Variants in KCNN2 observed in about 807,000 individuals in gnomAD.
The protein encoded by KCNN2 is potassium calcium-activated channel subfamily N member 2, also known as small conductance calcium-activated potassium channel protein 2.
Under a neutral mutation model 55.5 loss-of-function variants are expected in KCNN2, and 24 were observed. The ratio of observed to expected loss-of-function variants is 0.43; its 90% CI spans 0.31 to 0.61. The LOEUF is 0.61. KCNN2 is among the 20% of genes least tolerant of loss of function. KCNN2 has a pLI of 0.08. For missense variants in KCNN2, 754 were observed against 853.6 expected (o/e 0.88, Z 1.45); for synonymous variants, 431 against 336.1 (o/e 1.28, Z -3.09).
chr5:114,246,574 T>TA (rs989476079), intron 2 of KCNN2, among the ~76,000 whole-genome samples: 3 of 151,670 alleles, frequency 2.0e-5, no homozygotes, highest in African/African-American at 7.3e-5. Flanking sequence ...TATATAAAAG[T>TA]AAAAAAACTA....
intron 1 of KCNN2, among the ~76,000 whole-genome samples, chr5:114,093,955 T>C (rs1561472629): frequency 6.6e-6 from 1 of 152,328 alleles, no homozygotes; most frequent in Non-Finnish European, 1.5e-5. Context: ...ACTGAGACTC[T>C]GTAAGGTTAA....
chr5:114,154,912 G>C (rs1377509739), intron 1 of KCNN2, among the ~76,000 whole-genome samples: 1 of 151,976 alleles, frequency 6.6e-6, no homozygotes, highest in Non-Finnish European at 1.5e-5. Flanking sequence ...TAAGTTAGTG[G>C]GTAGATGTAC....
chr5:114,223,891 C>A (rs1460330647), intron 2 of KCNN2, among the ~76,000 whole-genome samples: 1 of 152,046 alleles, frequency 6.6e-6, no homozygotes, highest in Non-Finnish European at 1.5e-5. Flanking sequence ...TTTGGCAGCA[C>A]CTGGGGCCTG....
chr5:114,292,914 G>C (rs961361473), intron 2 of KCNN2, among the ~76,000 whole-genome samples: 2 of 152,160 alleles, frequency 1.3e-5, no homozygotes, highest in Admixed American at 6.5e-5. Flanking sequence ...CACATCCCTT[G>C]TAAGTTGGAT....
intron 1 of KCNN2, among the ~76,000 whole-genome samples, chr5:114,193,020 G>T (rs1410615625): frequency 6.6e-6 from 1 of 152,052 alleles, no homozygotes; most frequent in Non-Finnish European, 1.5e-5. Flanking sequence ...ACACAAAAAG[G>T]CTACAAATTT....
chr5:114,482,226 A>T (rs892609997), intron 5 of KCNN2, among the ~76,000 whole-genome samples: 2 of 152,212 alleles, frequency 1.3e-5, no homozygotes, highest in Admixed American at 6.5e-5. Flanking sequence ...ACATGAACAG[A>T]CACGTCTTAA....
At chr5:114,156,729 G>C (rs1449973976) in intron 1 of KCNN2, among the ~76,000 whole-genome samples, 1 of 151,972 alleles carries the variant, frequency 6.6e-6, no homozygotes, top group Non-Finnish European at 1.5e-5. Flanking sequence ...CATTGATTTT[G>C]TATCCTAAGA....
rs767681509 is a variant in KCNN2, at chr5:114,068,835, A to G, written c.-271+12335A>G. 1.1e-4 allele frequency among the ~76,000 whole-genome samples: 17 copies of G among 148,292 alleles called. 1 individual carries two copies. The highest frequency in any genetic ancestry group is 6.4e-4 in the South Asian group (3 of 4,688). On this transcript the variant is annotated intron_variant, in intron 1 of 10. Coordinates refer to the KCNN2 transcript ENST00000512097. ...TTCTTTTTCTTTTTCTTTTCTTTTGATGGAGTCTTTTTCTGTTGCCCAGGC... is the reference window on the plus strand; with the variant it reads ...TTCTTTTTCTTTTTCTTTTCTTTTGGTGGAGTCTTTTTCTGTTGCCCAGGC...
At chr5:114,241,652 T>C (rs1024319959) in intron 2 of KCNN2, among the ~76,000 whole-genome samples, 3 of 147,636 alleles carry the variant, frequency 2.0e-5, no homozygotes, top group African/African-American at 7.5e-5. Context: ...TGTTAAATAT[T>C]TAAGTGTAAA....
chr5:114,387,294 C>T (rs337688), intron 2 of KCNN2, among the ~76,000 whole-genome samples: 15,354 of 152,142 alleles, frequency 0.1, 1,101 homozygotes, highest in African/African-American at 0.21. Flanking sequence ...CACTTAATGT[C>T]TATTTTGTCA....
chr5:114,172,024 G>A (rs148816249), intron 1 of KCNN2, among the ~76,000 whole-genome samples: 143 of 151,986 alleles, frequency 9.4e-4, no homozygotes, highest in Middle Eastern at 6.8e-3. Context: ...AGGAACTCAG[G>A]AAACATTATT....
At chr5:114,313,214 C>G (rs1053127635) in intron 2 of KCNN2, among the ~76,000 whole-genome samples, 1 of 152,098 alleles carries the variant, frequency 6.6e-6, no homozygotes, top group Admixed American at 6.6e-5. Context: ...TCACCTCCTT[C>G]AAATTAAAGT....
At chr5:114,085,257 G>A (rs901328494) in intron 1 of KCNN2, among the ~76,000 whole-genome samples, 1 of 151,892 alleles carries the variant, frequency 6.6e-6, no homozygotes, top group African/African-American at 2.4e-5. Context: ...CTACAAAGCA[G>A]CTTACTGGGA....
At chr5:114,330,644 G>C (rs1756801634) in intron 2 of KCNN2, among the ~76,000 whole-genome samples, 1 of 148,852 alleles carries the variant, frequency 6.7e-6, no homozygotes, top group Non-Finnish European at 1.5e-5. Context: ...CCTCTTCCTG[G>C]AGCACACTGC....
rs1028854719 is a variant in KCNN2, at chr5:114,222,303, T to A, written c.-185+738T>A. ...CCTAGTAAACAATATTTGCATGGTA[T>A]CGTTAGGCACACCATACCAAAGGCA... On this transcript the variant is annotated intron_variant, in intron 2 of 10. Transcript: ENST00000512097. Among the ~76,000 whole-genome samples, 3 of 152,196 alleles carry A rather than the reference T, an allele frequency of 2.0e-5. No individual in the cohort carries two copies. The East Asian group carries it at 5.8e-4, about 29-fold the overall frequency.
intron 1 of KCNN2, among the ~76,000 whole-genome samples, chr5:114,175,308 T>A (rs1045269141): frequency 6.6e-6 from 1 of 152,184 alleles, no homozygotes; most frequent in Admixed American, 6.6e-5. Flanking sequence ...TTGCTGCCAA[T>A]AACTATATAT....
At chr5:114,348,658 A>G (rs1757157200) in intron 2 of KCNN2, among the ~76,000 whole-genome samples, 1 of 152,160 alleles carries the variant, frequency 6.6e-6, no homozygotes, top group African/African-American at 2.4e-5. Flanking sequence ...TCACTGAGCC[A>G]TGATACTATT....
chr5:114,370,475 G>C (rs948598764), intron 2 of KCNN2, among the ~76,000 whole-genome samples: 1 of 152,064 alleles, frequency 6.6e-6, no homozygotes, highest in Admixed American at 6.6e-5. Flanking sequence ...AAAATTTTTG[G>C]AAGTTGTGAT....
intron 2 of KCNN2, among the ~76,000 whole-genome samples, chr5:114,298,462 G>A (rs1411203772): frequency 2.0e-5 from 3 of 152,160 alleles, no homozygotes; most frequent in African/African-American, 7.2e-5. Flanking sequence ...GGCAATCCCA[G>A]CATACCCTAA....
Sources: allele counts gnomAD v4.1 joint callset (sites outside exome capture counted in the v4.1 genomes callset), GRCh38; gene constraint gnomAD v4.1.1; transcripts MANE v1.5; gene names NCBI Gene and HGNC (gene_info 2026-07-23, HGNC 2026-07-21).